Variants in AFF3 observed in about 807,000 individuals in gnomAD.
The protein encoded by AFF3 is ALF transcription elongation factor 3.
AFF3 carries 32 observed loss-of-function variants against 129.7 expected under a neutral mutation model. The ratio of observed to expected loss-of-function variants is 0.25; its 90% CI spans 0.19 to 0.33. The LOEUF (loss-of-function observed/expected upper bound fraction) is 0.33, where lower values mean the gene tolerates loss of function less well. Ranked by LOEUF, AFF3 falls within the 10% of genes least tolerant of loss-of-function variation. The probability of loss-of-function intolerance (pLI) is 1.00; values close to 1 mark genes in which losing one functional copy is unlikely to be tolerated. For missense variants in AFF3, 1,373 were observed against 1,592.0 expected (o/e 0.86, Z 2.34); for synonymous variants, 644 against 635.4 (o/e 1.01, Z -0.20).
chr2:99,787,106 A>T (rs1684853054), intron 8 of AFF3, among the ~76,000 whole-genome samples: 1 of 152,178 alleles, frequency 6.6e-6, no homozygotes, highest in Admixed American at 6.5e-5. Flanking sequence ...ATAAAAGAGC[A>T]GTAATTCAGG....
intron 8 of AFF3, among the ~76,000 whole-genome samples, chr2:99,826,726 T>C (rs893534750): frequency 1.3e-5 from 2 of 152,170 alleles, no homozygotes; most frequent in South Asian, 4.1e-4. Context: ...GGCCACAGCA[T>C]GTGCGACTCT....
intron 14 of AFF3, among the ~76,000 whole-genome samples, chr2:99,595,625 T>G (rs1381267489): frequency 2.0e-5 from 3 of 151,902 alleles, no homozygotes; most frequent in African/African-American, 7.2e-5. Context: ...TCCTTTGAAG[T>G]ATCAAGGTTT....
chr2:99,943,059 G>C (rs1208794095), intron 7 of AFF3, among the ~76,000 whole-genome samples: 1 of 152,108 alleles, frequency 6.6e-6, no homozygotes, highest in African/African-American at 2.4e-5. Context: ...GCTGCTTTCA[G>C]ATCAATGGCC....
chr2:100,019,982 T>C (rs781739115), intron 4 of AFF3, among the ~76,000 whole-genome samples: 1 of 152,186 alleles, frequency 6.6e-6, no homozygotes, highest in African/African-American at 2.4e-5. Flanking sequence ...TCAAGGCCTC[T>C]CTGTATTTAG....
chr2:99,636,119 C>T (rs1280042832), intron 13 of AFF3, among the ~76,000 whole-genome samples: 2 of 152,214 alleles, frequency 1.3e-5, no homozygotes, highest in Non-Finnish European at 2.9e-5. Context: ...CCTTAATTTG[C>T]TGTGCTTGCA....
intron 12 of AFF3, among the ~76,000 whole-genome samples, chr2:99,660,899 A>C (rs561456997): frequency 6.6e-6 from 1 of 152,340 alleles, no homozygotes; most frequent in Middle Eastern, 3.4e-3. Context: ...CTCCGTGTAG[A>C]AACAACAGGC....
chr2:100,070,850 G>T (rs946163137), intron 4 of AFF3, among the ~76,000 whole-genome samples: 5 of 138,558 alleles, frequency 3.6e-5, no homozygotes, highest in Non-Finnish European at 6.2e-5. Context: ...TCTACTCCCT[G>T]AAGACATTTT....
chr2:99,887,340 C>T (rs1237159271), intron 7 of AFF3, among the ~76,000 whole-genome samples: 1 of 152,108 alleles, frequency 6.6e-6, no homozygotes, highest in Non-Finnish European at 1.5e-5. Flanking sequence ...GGGGGAAAAC[C>T]TTATTGTTAT....
chr2:100,038,225 C>T (rs1322221264), intron 4 of AFF3, among the ~76,000 whole-genome samples: 3 of 151,988 alleles, frequency 2.0e-5, no homozygotes, highest in Non-Finnish European at 4.4e-5. Context: ...AAGCCCCGCC[C>T]GCTTCCCCAC....
At chr2:100,109,598 C>G (rs1559131639) in intron 2 of AFF3, among the ~76,000 whole-genome samples, 2 of 152,168 alleles carry the variant, frequency 1.3e-5, no homozygotes, top group Non-Finnish European at 2.9e-5. Context: ...CATGCTTCTT[C>G]AAGATGTGCC....
chr2:99,946,260 G>A (rs1312785420), intron 7 of AFF3, among the ~76,000 whole-genome samples: 1 of 151,686 alleles, frequency 6.6e-6, no homozygotes, highest in South Asian at 2.1e-4. Flanking sequence ...GTCATTTGAG[G>A]TCAGGAGTTT....
chr2:99,870,878 G>A (rs1691822517), intron 7 of AFF3, among the ~76,000 whole-genome samples: 1 of 152,058 alleles, frequency 6.6e-6, no homozygotes, highest in Non-Finnish European at 1.5e-5. Flanking sequence ...TCTGGAACTG[G>A]GCTGCCTGAG....
intron 7 of AFF3, among the ~76,000 whole-genome samples, chr2:99,941,795 TCACAC>T (rs1249074823): frequency 1.3e-5 from 2 of 152,160 alleles, no homozygotes; most frequent in South Asian, 2.1e-4. Context: ...AGAATAGAAG[TCACAC>T]ACTAAGGATG....
chr2:99,946,674 A>C (rs1404811531), intron 7 of AFF3, among the ~76,000 whole-genome samples: 1 of 151,992 alleles, frequency 6.6e-6, no homozygotes, highest in Non-Finnish European at 1.5e-5. Context: ...CCCTAATTTG[A>C]AATCAATAAT....
At chr2:99,563,901 C>G (rs1203235269) in intron 20 of AFF3, among the ~76,000 whole-genome samples, 1 of 150,810 alleles carries the variant, frequency 6.6e-6, no homozygotes, top group Non-Finnish European at 1.5e-5. Flanking sequence ...GTGATTCTAT[C>G]GATTCTGAAG....
At chr2:99,872,817 C>G (rs1691985232) in intron 7 of AFF3, among the ~76,000 whole-genome samples, 2 of 152,076 alleles carry the variant, frequency 1.3e-5, no homozygotes, top group Admixed American at 1.3e-4. Flanking sequence ...AACATTACCA[C>G]TGATCTCATC....
chr2:99,569,798 T>C (rs1676311338), intron 18 of AFF3, among the ~76,000 whole-genome samples: 1 of 152,204 alleles, frequency 6.6e-6, no homozygotes, highest in South Asian at 2.1e-4. Flanking sequence ...ATATCAAATA[T>C]AAGCCAGGAC....
chr2:99,959,436 GT>G (rs1677007118), intron 7 of AFF3, among the ~76,000 whole-genome samples: 1 of 150,178 alleles, frequency 6.7e-6, no homozygotes, highest in South Asian at 2.1e-4. Flanking sequence ...AAATAGTCTA[GT>G]TTTGGCTGGA....
At chr2:99,826,696 G>A (rs992450595) in intron 8 of AFF3, among the ~76,000 whole-genome samples, 1 of 152,176 alleles carries the variant, frequency 6.6e-6, no homozygotes, top group South Asian at 2.1e-4. Context: ...GGTGAAAGAT[G>A]AGTCTGGAAG....
Sources: gnomAD v4.1 joint callset for allele counts (sites outside exome capture counted in the v4.1 genomes callset) on GRCh38, gnomAD v4.1.1 for gene constraint, MANE v1.5 for transcripts, NCBI Gene and HGNC (gene_info 2026-07-23, HGNC 2026-07-21) for gene names.